The following UBE3C variants were observed in gnomAD, a reference collection of about 807,000 sequenced individuals.
The protein encoded by UBE3C is ubiquitin protein ligase E3C.
A neutral mutation model predicts 129.4 loss-of-function variants in UBE3C; 42 were observed. That is an observed-to-expected ratio of 0.32 (90% CI 0.25 to 0.42). The LOEUF is 0.42. Ranked by LOEUF, UBE3C falls within the 10% of genes least tolerant of loss-of-function variation. The pLI is 1.00. For missense variants in UBE3C, 1,049 were observed against 1,319.1 expected (o/e 0.80, Z 3.17); for synonymous variants, 510 against 492.4 (o/e 1.04, Z -0.47).
intron 22 of UBE3C, among the ~76,000 whole-genome samples, chr7:157,267,178 C>T (rs1268940750): frequency 6.6e-6 from 1 of 151,848 alleles, no homozygotes; most frequent in African/African-American, 2.4e-5. Context: ...AATCCCAGCA[C>T]TTTGGGAGGC....
chr7:157,148,204 G>A (rs1433472517), intron 1 of UBE3C, among the ~76,000 whole-genome samples: 1 of 152,094 alleles, frequency 6.6e-6, no homozygotes, highest in Non-Finnish European at 1.5e-5. Context: ...GAATTCAAGT[G>A]ATTCTCCTGT....
intron 1 of UBE3C, among the ~76,000 whole-genome samples, chr7:157,139,733 C>T (rs73743204): frequency 1.3e-5 from 2 of 152,240 alleles, no homozygotes; most frequent in South Asian, 4.1e-4. Flanking sequence ...GTGAACTTAC[C>T]CTTTCTGGGT....
chr7:157,145,131 C>T (rs1192683348), intron 1 of UBE3C, among the ~76,000 whole-genome samples: 9 of 151,742 alleles, frequency 5.9e-5, no homozygotes, highest in African/African-American at 1.2e-4. Context: ...ATTAGCTGGG[C>T]GTGGGAGGCT....
intron 13 of UBE3C, among the ~76,000 whole-genome samples, chr7:157,210,257 C>T (rs1809554906): frequency 1.3e-5 from 2 of 151,788 alleles, no homozygotes; most frequent in African/African-American, 4.8e-5. Context: ...TGTTGTAAGA[C>T]CTTTTGAGTT....
At chr7:157,227,928 C>T (rs191867928) in intron 17 of UBE3C, among the ~76,000 whole-genome samples, 87 of 152,304 alleles carry the variant, frequency 5.7e-4, no homozygotes, top group African/African-American at 2.0e-3. Context: ...TAAATGTTCT[C>T]AACTCAAATA....
chr7:157,175,640 G>C (rs1808496997), intron 5 of UBE3C, among the ~76,000 whole-genome samples: 5 of 152,008 alleles, frequency 3.3e-5, no homozygotes. Flanking sequence ...TTAATTTTCT[G>C]GACACTGTCT....
Position 157,230,435 on chromosome 7 carries a change from G to A in UBE3C, c.2234-645G>A, listed in dbSNP as rs182698755. 2.7e-3 allele frequency among the ~76,000 whole-genome samples: 404 copies of A among 150,990 alleles called. 4 individuals are homozygous for A. Among genetic ancestry groups the A allele is most frequent in the African/African-American group, 9.5e-3 (392 of 41,214 alleles). On this transcript the variant is annotated intron_variant, in intron 17 of 22. Transcript: ENST00000348165. Reference sequence around the variant, plus strand: ...TTACAGGCCGGGCACGGTGGCTCACGCCTGTAATCCCAGCACTTTGGGAAG... The same window carrying A: ...TTACAGGCCGGGCACGGTGGCTCACACCTGTAATCCCAGCACTTTGGGAAG...
intron 2 of UBE3C, 94 bp from the exon 3 acceptor site, chr7:157,168,954 A>AT: frequency 5.4e-6 from 5 of 918,976 alleles, no homozygotes; most frequent in Non-Finnish European, 8.8e-6. Context: ...TGTGAATTAC[A>AT]TAGCTGTTAG....
At chr7:157,142,654 C>T (rs1807487089) in intron 1 of UBE3C, among the ~76,000 whole-genome samples, 1 of 151,734 alleles carries the variant, frequency 6.6e-6, no homozygotes, top group Non-Finnish European at 1.5e-5. Context: ...TACACATGGA[C>T]ATAAAGATGG....
chr7:157,170,506 T>A (rs1808338210), intron 4 of UBE3C, 56 bp downstream of exon 4: 2 of 1,423,890 alleles, frequency 1.4e-6, no homozygotes, highest in Non-Finnish European at 9.2e-7. Context: ...TGCTTTTTTG[T>A]TTAAAGTGGA....
chr7:157,182,105 C>G lies in UBE3C; in HGVS notation c.771-3C>G. The stretch of plus-strand genomic sequence containing the variant: ...ATAAAAAGCTTCTGTTTTTCTTTTT[C>G]AGGCAACAAGTTTTTACAGCCTTCA... On this transcript the variant is annotated splice_region_variant and splice_polypyrimidine_tract_variant and intron_variant, in intron 7 of 22. Coordinates refer to ENST00000348165, the MANE Select transcript of UBE3C (RefSeq NM_014671.3). The G allele has an allele frequency of 6.4e-7, 1 of 1,550,532 alleles. No individual in the cohort carries two copies. The highest frequency in any genetic ancestry group is 8.7e-7 in the Non-Finnish European group (1 of 1,155,108).
intron 18 of UBE3C, among the ~76,000 whole-genome samples, chr7:157,245,560 G>A (rs1796450537): frequency 6.6e-6 from 1 of 152,196 alleles, no homozygotes; most frequent in African/African-American, 2.4e-5. Context: ...CTATGTGCCT[G>A]TTGCCATTTT....
rs766192267 is a variant in UBE3C at position 157,220,775 on chromosome 7, C to T, written c.2001C>T (p.Asp667=). ...TAGGCCCGCTGCAGTCCACCCTGGA[C>T]GGTGAGTTCTCTAGGACACAGGGTT... ...GRIGPLQSTL[D]VGLESPPLSV... The change falls in exon 15 of 23, where the codon GAC becomes GAT. Residue 667 remains aspartate, a splice_region_variant and synonymous_variant. Transcript: ENST00000348165. The T allele has an allele frequency of 5.6e-6, 9 of 1,614,044 alleles. No individual in the cohort carries two copies. The East Asian group carries it at 8.9e-5, about 16-fold the overall frequency.
chr7:157,163,465 T>C (rs760165925), intron 1 of UBE3C, among the ~76,000 whole-genome samples: 35 of 151,958 alleles, frequency 2.3e-4, no homozygotes, highest in Non-Finnish European at 4.9e-4. Flanking sequence ...TGGGGTAATA[T>C]TTTACAAAGC....
chr7:157,160,962 G>A (rs955562313), intron 1 of UBE3C, among the ~76,000 whole-genome samples: 2 of 152,160 alleles, frequency 1.3e-5, no homozygotes, highest in African/African-American at 4.8e-5. Context: ...TAACCTTACT[G>A]TAATCATGAG....
At chr7:157,229,596 C>T (rs1172852787) in intron 17 of UBE3C, among the ~76,000 whole-genome samples, 1 of 151,352 alleles carries the variant, frequency 6.6e-6, no homozygotes, top group East Asian at 2.0e-4. Flanking sequence ...GGATTACAGG[C>T]ATGTGCCACT....
intron 11 of UBE3C, among the ~76,000 whole-genome samples, chr7:157,206,631 C>G (rs145260126): frequency 6.6e-6 from 1 of 152,064 alleles, no homozygotes; most frequent in South Asian, 2.1e-4. Flanking sequence ...CTCTGTTCCC[C>G]AGGCTGGAGT....
rs1302185869 is a variant in UBE3C, at chr7:157,139,005, G to C, written c.-268G>C. ...CAAGCGCCGGGTTTGCTGCCCGCTG[G>C]GCGCCCCTGCAGCGGCCCGAGCTGT... is the stretch of plus-strand genomic sequence containing the variant. On this transcript the variant is annotated 5_prime_UTR_variant, in exon 1 of 23. Coordinates refer to ENST00000348165, the MANE Select transcript of UBE3C (RefSeq NM_014671.3). The C allele has an allele frequency of 1.3e-5, 2 of 153,578 alleles. No individual in the cohort carries two copies. Among genetic ancestry groups the C allele is most frequent in the Non-Finnish European group, 2.9e-5 (2 of 69,260 alleles). The allele number at this position is 153,578 out of a possible 1,614,324, so 9.5% of individuals were successfully genotyped here.
rs116413497 is a variant in UBE3C at position 157,211,849 on chromosome 7, A to G, written c.1809+3914A>G. 7.3e-3 allele frequency among the ~76,000 whole-genome samples: 1,116 copies of G among 152,288 alleles called. 16 individuals are homozygous for G. The highest frequency in any genetic ancestry group is 0.026 in the African/African-American group (1,069 of 41,558). On this transcript the variant is annotated intron_variant, in intron 13 of 22. Coordinates refer to ENST00000348165, the MANE Select transcript of UBE3C (RefSeq NM_014671.3). Reference sequence around the variant, plus strand: ...GCCTGTTCCTGCAGTATCACCACGTAGTGAAGGAGACATGCATTCAGCTAA... The same window carrying G: ...GCCTGTTCCTGCAGTATCACCACGTGGTGAAGGAGACATGCATTCAGCTAA...
Sources: gnomAD v4.1 joint callset for allele counts (sites outside exome capture counted in the v4.1 genomes callset) on GRCh38, gnomAD v4.1.1 for gene constraint, MANE v1.5 for transcripts, NCBI Gene and HGNC (gene_info 2026-07-23, HGNC 2026-07-21) for gene names.